NSD1: variants seen among roughly 807,000 people sequenced by gnomAD.
The protein encoded by NSD1 is histone-lysine N-methyltransferase, H3 lysine-36 specific.
A neutral mutation model predicts 242.7 loss-of-function variants in NSD1; 26 were observed. The observed-to-expected ratio is 0.11, with a 90% CI of 0.08 to 0.15. The LOEUF (loss-of-function observed/expected upper bound fraction) is 0.15, where lower values mean the gene tolerates loss of function less well. Among genes scored for constraint, NSD1 ranks in the 10% least tolerant of loss-of-function variants. NSD1 has a pLI of 1.00. For missense variants in NSD1, 2,495 were observed against 3,272.8 expected, an observed-to-expected ratio of 0.76 and a Z score of 5.80; for synonymous variants, 1,106 against 1,178.1, an observed-to-expected ratio of 0.94 and a Z score of 1.25.
chr5:177,265,980 C>T (rs959730055), intron 14 of NSD1: 1 of 1,074,908 alleles, frequency 9.3e-7, no homozygotes, highest in African/African-American at 1.5e-5. Flanking sequence ...TCCACCACAT[C>T]CACTAGGGTT....
chr5:177,261,176 T>TC (rs1197532576), intron 14 of NSD1, among the ~76,000 whole-genome samples: 1 of 151,698 alleles, frequency 6.6e-6, no homozygotes, highest in Non-Finnish European at 1.5e-5. Context: ...TTCAAGCGAT[T>TC]CTACTGCCTC....
At chr5:177,194,458 T>TG (rs1761940739) in intron 3 of NSD1, among the ~76,000 whole-genome samples, 3 of 150,142 alleles carry the variant, frequency 2.0e-5, no homozygotes, top group Admixed American at 1.3e-4. Context: ...TTTTTTTTTT[T>TG]GGGTGGAGAT....
intron 4 of NSD1, among the ~76,000 whole-genome samples, chr5:177,205,726 C>A (rs183153784): frequency 6.6e-6 from 1 of 152,004 alleles, no homozygotes; most frequent in African/African-American, 2.4e-5. Context: ...TACTGTTTGT[C>A]TCTATGATTT....
intron 2 of NSD1, among the ~76,000 whole-genome samples, chr5:177,176,630 A>T (rs970686713): frequency 1.3e-5 from 2 of 152,124 alleles, no homozygotes; most frequent in Non-Finnish European, 1.5e-5. Context: ...ATAACTGTAT[A>T]ATTAGTATAT....
At position 177,251,988 on chromosome 5, in the gene NSD1, G is replaced by T. The variant is rs568275744; in HGVS notation, c.4765+135G>T. 31 of 1,094,108 alleles carry T rather than the reference G, an allele frequency of 2.8e-5. No individual in the cohort carries two copies. In the East Asian group the frequency reaches 6.7e-4, roughly 24 times the overall value. The allele number at this position is 1,094,108 out of a possible 1,614,324, so 67.8% of individuals were successfully genotyped here. ...ACAGATATAGAAATGGTGCTGTGGG[G>T]TCACTGCTTTCAGAAAAGCTACCAA... On this transcript the variant is annotated intron_variant, in intron 12 of 22. Coordinates refer to ENST00000439151, the MANE Select transcript of NSD1 (RefSeq NM_022455.5).
At chr5:177,219,870 G>A (rs1051306620) in intron 5 of NSD1, among the ~76,000 whole-genome samples, 2 of 152,058 alleles carry the variant, frequency 1.3e-5, no homozygotes, top group East Asian at 1.9e-4. Flanking sequence ...GCTGAGGCAC[G>A]AGAACTGCTT....
chr5:177,244,277 ATT>A lies in NSD1; in HGVS notation c.4378+11_4378+12del. On this transcript the variant is annotated splice_region_variant and intron_variant, in intron 9 of 22. Transcript: ENST00000439151. ...TCAAAAGATTTTGGTGGAGGTGAGT[ATT>A]TTTGAGATTTAAAAAACGTAATGCA... 6.2e-7 allele frequency: 1 copy of A among 1,600,304 alleles called. No individual in the cohort carries two copies. Among genetic ancestry groups the A allele is most frequent in the Non-Finnish European group, 8.6e-7 (1 of 1,167,816 alleles).
intron 2 of NSD1, among the ~76,000 whole-genome samples, chr5:177,151,175 G>A (rs958927981): frequency 1.3e-5 from 2 of 152,124 alleles, no homozygotes; most frequent in African/African-American, 2.4e-5. Context: ...GCCAGGAGTC[G>A]AGACCAGCCT....
intron 2 of NSD1, among the ~76,000 whole-genome samples, chr5:177,190,044 G>A (rs796079161): frequency 8.5e-5 from 13 of 152,116 alleles, no homozygotes; most frequent in African/African-American, 2.6e-4. Flanking sequence ...CTGTAGCCTC[G>A]AATTCTTGGG....
intron 2 of NSD1, among the ~76,000 whole-genome samples, chr5:177,159,733 C>T (rs1758581141): frequency 6.6e-6 from 1 of 151,584 alleles, no homozygotes; most frequent in East Asian, 1.9e-4. Context: ...GCTGGGATTG[C>T]AGGCATATAC....
chr5:177,248,037 C>G (rs544704892), intron 10 of NSD1, 144 bp from the exon 11 acceptor site: 2 of 1,520,344 alleles, frequency 1.3e-6, no homozygotes, highest in Admixed American at 2.0e-5. Flanking sequence ...AGGGTTAGAA[C>G]TAACATTGCA....
intron 2 of NSD1, among the ~76,000 whole-genome samples, chr5:177,138,783 GT>G (rs1675126698): frequency 6.6e-6 from 1 of 151,524 alleles, no homozygotes; most frequent in Non-Finnish European, 1.5e-5. Flanking sequence ...GGGATTACAG[GT>G]GCGCACCACC....
chr5:177,243,345 T>C (rs1766034401), intron 8 of NSD1, among the ~76,000 whole-genome samples: 1 of 151,912 alleles, frequency 6.6e-6, no homozygotes, highest in Non-Finnish European at 1.5e-5. Flanking sequence ...CCACTGCACC[T>C]AGCTAATTTT....
chr5:177,254,797 A>G (rs111277382), intron 12 of NSD1, among the ~76,000 whole-genome samples: 4 of 3,956 alleles, frequency 1.0e-3, no homozygotes, highest in Non-Finnish European at 3.8e-3. Flanking sequence ...GTTTTGTATT[A>G]AAGTTTTGCA....
intron 19 of NSD1, among the ~76,000 whole-genome samples, chr5:177,283,377 G>A (rs532332361): frequency 3.3e-5 from 5 of 152,286 alleles, no homozygotes; most frequent in Non-Finnish European, 7.4e-5. Flanking sequence ...TTGGGACTCC[G>A]CATTAGTATT....
Position 177,295,766 on chromosome 5 carries a change from T to G in NSD1, c.*307T>G, listed in dbSNP as rs1371763669. Reference sequence around the variant, plus strand: ...AAAAAGTCCACTCTGGAGTCAAGTATGGAATTCAATTCCGCTGGTCAGGTT... The same window carrying G: ...AAAAAGTCCACTCTGGAGTCAAGTAGGGAATTCAATTCCGCTGGTCAGGTT... On this transcript the variant is annotated 3_prime_UTR_variant, in exon 23 of 23. Coordinates refer to ENST00000439151, the MANE Select transcript of NSD1 (RefSeq NM_022455.5). The surrounding 1 kb of genome is among the most constrained non-coding windows in gnomAD (Gnocchi z 4.3). 4.0e-6 allele frequency: 2 copies of G among 504,370 alleles called. No homozygotes were observed. The highest frequency in any genetic ancestry group is 3.8e-5 in the African/African-American group (2 of 52,292). 31.2% of individuals were successfully genotyped at this position (504,370 alleles called of 1,614,324 possible). A position where few individuals can be genotyped will look rare whatever the true frequency, so the allele number is the denominator to read the frequency against.
At chr5:177,204,448 G>A (rs971633859) in intron 4 of NSD1, among the ~76,000 whole-genome samples, 156 bp downstream of exon 4, 4 of 152,168 alleles carry the variant, frequency 2.6e-5, no homozygotes, top group South Asian at 2.1e-4. Flanking sequence ...CCGCGTCCCA[G>A]GTTCAAGTGA....
intron 2 of NSD1, among the ~76,000 whole-genome samples, chr5:177,168,231 A>G (rs1370409982): frequency 6.6e-6 from 1 of 152,180 alleles, no homozygotes; most frequent in Non-Finnish European, 1.5e-5. Context: ...AGGTACAAAC[A>G]GTTGTTAATT....
At position 177,212,127 on chromosome 5, in the gene NSD1, G is replaced by T. The variant is rs1383897418; in HGVS notation, c.3728G>T (p.Ser1243Ile). The T allele has an allele frequency of 1.2e-6, 2 of 1,613,894 alleles. No individual in the cohort carries two copies. The highest frequency in any genetic ancestry group is 1.7e-6 in the Non-Finnish European group (2 of 1,180,032). ...AATGTTTGTGATAAATCCAGTGCCA[G>T]CATTGGTGACATGGAAAAGGAGCCA... ...RLNVCDKSSA[S>I]IGDMEKEPGI... The change falls in exon 5 of 23, where the codon AGC becomes ATC. Residue 1243 changes from serine (S) to isoleucine (I), a missense_variant. Ser to Ile is a moderately radical substitution (Grantham distance 142, BLOSUM62 -2). Around this residue, in one of 19 missense-constraint regions of NSD1, gnomAD observed 426 missense variants for 411.4 expected, o/e 1.04. Coordinates refer to ENST00000439151, the MANE Select transcript of NSD1 (RefSeq NM_022455.5).
Sources: allele counts gnomAD v4.1 joint callset (sites outside exome capture counted in the v4.1 genomes callset), GRCh38; gene constraint gnomAD v4.1.1; regional missense constraint gnomAD v4.1.1; non-coding constraint Gnocchi (gnomAD v3.1); transcripts MANE v1.5; gene names NCBI Gene and HGNC (gene_info 2026-07-23, HGNC 2026-07-21).